Variants in GAS7 observed in about 807,000 individuals in gnomAD.
The protein encoded by GAS7 is growth arrest specific 7.
GAS7 carries 28 observed loss-of-function variants against 71.1 expected under a neutral mutation model. The ratio of observed to expected loss-of-function variants is 0.39; its 90% CI spans 0.29 to 0.54. GAS7 has a LOEUF of 0.54. Among genes scored for constraint, GAS7 ranks in the 20% least tolerant of loss-of-function variants. The probability of loss-of-function intolerance (pLI) is 0.62; values close to 1 mark genes in which losing one functional copy is unlikely to be tolerated. For synonymous variants in GAS7, 258 were observed against 245.8 expected (o/e 1.05, Z -0.46); for missense variants, 436 against 627.8 (o/e 0.69, Z 3.27).
At chr17:10,039,350 C>A (rs1450606677) in intron 1 of GAS7, among the ~76,000 whole-genome samples, 2 of 152,000 alleles carry the variant, frequency 1.3e-5, no homozygotes, top group African/African-American at 4.8e-5. Context: ...GAAGCTGCCC[C>A]AGCCTCTTGG....
At chr17:10,167,259 G>A (rs1340305829) in intron 1 of GAS7, among the ~76,000 whole-genome samples, 1 of 151,278 alleles carries the variant, frequency 6.6e-6, no homozygotes, top group African/African-American at 2.4e-5. Flanking sequence ...GTTTCTCCAT[G>A]TTGGTCAGGC....
chr17:10,158,147 T>A (rs7208211), intron 1 of GAS7, among the ~76,000 whole-genome samples: 114,982 of 151,876 alleles, frequency 0.76, 44,333 homozygotes, highest in African/African-American at 0.91. Flanking sequence ...AGTAGCTGGG[T>A]CTACAGGCGT....
chr17:10,168,969 C>CA (rs58482916), intron 1 of GAS7, among the ~76,000 whole-genome samples: 30,871 of 115,298 alleles, frequency 0.27, 3,849 homozygotes, highest in East Asian at 0.48. Flanking sequence ...GACTCCATCT[C>CA]AAAAAAAAAA....
rs368628273 is a variant in GAS7, at chr17:10,051,765, C to T, written c.184-31868G>A. Among the ~76,000 whole-genome samples the T allele has an allele frequency of 5.9e-4, 90 of 152,300 alleles. 2 individuals are homozygous for T. The South Asian group carries it at 0.017, about 29-fold the overall frequency. Reference sequence around the variant, plus strand: ...CTTCATTTGAACATGGGCAAGGGCACTCCAAGAAAATTTCGTACCCCAGAT... The same window carrying T: ...CTTCATTTGAACATGGGCAAGGGCATTCCAAGAAAATTTCGTACCCCAGAT... On this transcript the variant is annotated intron_variant, in intron 1 of 13. Coordinates refer to ENST00000432992, the MANE Select transcript of GAS7 (RefSeq NM_201433.2).
chr17:9,924,450 G>T (rs1047886736), intron 11 of GAS7, among the ~76,000 whole-genome samples: 7 of 152,050 alleles, frequency 4.6e-5, no homozygotes, highest in African/African-American at 1.7e-4. Context: ...CGGATTACAG[G>T]TGTTAGCCAC....
At chr17:10,180,387 G>A (rs1165312125) in intron 1 of GAS7, among the ~76,000 whole-genome samples, 1 of 149,128 alleles carries the variant, frequency 6.7e-6, no homozygotes, top group Non-Finnish European at 1.5e-5. Context: ...TAAATAATAT[G>A]CCTAAAGTCT....
At chr17:10,195,653 A>C (rs1465066866) in intron 1 of GAS7, among the ~76,000 whole-genome samples, 1 of 152,100 alleles carries the variant, frequency 6.6e-6, no homozygotes, top group Non-Finnish European at 1.5e-5. Flanking sequence ...ACATCTCATG[A>C]GGTTCGCCAT....
At chr17:10,111,791 C>T (rs914189169) in intron 1 of GAS7, among the ~76,000 whole-genome samples, 8 of 152,142 alleles carry the variant, frequency 5.3e-5, no homozygotes, top group East Asian at 1.9e-4. Flanking sequence ...AGGCGAAATT[C>T]GGGAGTTCCA....
intron 12 of GAS7, 146 bp from the exon 13 acceptor site, chr17:9,918,245 A>G (rs2067663868): frequency 1.6e-6 from 1 of 613,186 alleles, no homozygotes; most frequent in African/African-American, 1.9e-5. Flanking sequence ...CGTGCCCCAT[A>G]TCTAAGGTGA....
intron 4 of GAS7, among the ~76,000 whole-genome samples, chr17:9,967,423 C>T (rs867221669): frequency 6.6e-6 from 1 of 152,014 alleles, no homozygotes; most frequent in African/African-American, 2.4e-5. Context: ...GTAGCACCCC[C>T]CCTCCCCAGG....
intron 1 of GAS7, 63 bp downstream of exon 1, chr17:10,198,145 A>G: frequency 1.3e-6 from 2 of 1,481,500 alleles, no homozygotes; most frequent in South Asian, 2.3e-5. Context: ...AACGGGCAAC[A>G]GGTACGCGAG....
intron 1 of GAS7, among the ~76,000 whole-genome samples, chr17:10,188,018 T>C (rs2074468732): frequency 1.3e-5 from 2 of 152,118 alleles, no homozygotes; most frequent in Non-Finnish European, 2.9e-5. Flanking sequence ...CCGAGGCAGG[T>C]GGATCATTTG....
At chr17:10,030,350 C>G (rs1261494825) in intron 1 of GAS7, among the ~76,000 whole-genome samples, 1 of 152,224 alleles carries the variant, frequency 6.6e-6, no homozygotes, top group Non-Finnish European at 1.5e-5. Context: ...TCTGAAACAC[C>G]TGTTTGGCTT....
At chr17:10,123,299 C>T in intron 1 of GAS7, among the ~76,000 whole-genome samples, 1 of 152,222 alleles carries the variant, frequency 6.6e-6, no homozygotes, top group African/African-American at 2.4e-5. Context: ...GCCAGCAGGT[C>T]TGGGGCAGGA....
At chr17:9,938,781 C>T (rs1226207806) in intron 8 of GAS7, among the ~76,000 whole-genome samples, 2 of 152,204 alleles carry the variant, frequency 1.3e-5, no homozygotes, top group African/African-American at 4.8e-5. Context: ...ACCCATTCCC[C>T]TCCTCCCCCA....
chr17:10,081,643 A>AAT (rs1200826385), intron 1 of GAS7, among the ~76,000 whole-genome samples: 2 of 152,230 alleles, frequency 1.3e-5, no homozygotes, highest in African/African-American at 4.8e-5. Flanking sequence ...CAAGAGAGGA[A>AAT]ATTCAAATGG....
intron 2 of GAS7, among the ~76,000 whole-genome samples, chr17:9,998,004 G>A (rs1567871192): frequency 6.6e-6 from 1 of 152,154 alleles, no homozygotes; most frequent in African/African-American, 2.4e-5. Flanking sequence ...GTTCTTACGG[G>A]GGCTTCAGTA....
At chr17:9,945,437 C>T (rs1483135011) in intron 6 of GAS7, among the ~76,000 whole-genome samples, 1 of 152,034 alleles carries the variant, frequency 6.6e-6, no homozygotes, top group East Asian at 1.9e-4. Context: ...GCTTGCTTAC[C>T]CCGCCCTCTG....
intron 7 of GAS7, 101 bp from the exon 8 acceptor site, chr17:9,940,301 G>C: frequency 1.2e-6 from 1 of 828,638 alleles, no homozygotes; most frequent in Non-Finnish European, 2.1e-6. Flanking sequence ...GAACCCACTA[G>C]ACCATAAGCT....
Sources: allele counts gnomAD v4.1 joint callset (sites outside exome capture counted in the v4.1 genomes callset), GRCh38; gene constraint gnomAD v4.1.1; transcripts MANE v1.5; gene names NCBI Gene and HGNC (gene_info 2026-07-23, HGNC 2026-07-21).